KCNAB1: variants seen among roughly 807,000 people sequenced by gnomAD.
The protein encoded by KCNAB1 is voltage-gated potassium channel subunit beta-1.
A neutral mutation model predicts 64.6 loss-of-function variants in KCNAB1; 35 were observed. The ratio of observed to expected loss-of-function variants is 0.54; its 90% CI spans 0.41 to 0.72. The LOEUF is 0.72. KCNAB1 is among the 30% of genes least tolerant of loss of function. KCNAB1 has a pLI of 0.00. For missense variants in KCNAB1, 401 were observed against 512.9 expected, an observed-to-expected ratio of 0.78 and a Z score of 2.11; for synonymous variants, 177 against 183.8, an observed-to-expected ratio of 0.96 and a Z score of 0.30.
chr3:156,145,781 C>T (rs919548391), intron 1 of KCNAB1, among the ~76,000 whole-genome samples: 3 of 152,140 alleles, frequency 2.0e-5, no homozygotes, highest in African/African-American at 7.2e-5. Context: ...ACAGTAGGTG[C>T]TCACTGGGAA....
At chr3:156,426,225 T>A (rs1475528965) in intron 2 of KCNAB1, among the ~76,000 whole-genome samples, 4 of 152,132 alleles carry the variant, frequency 2.6e-5, no homozygotes, top group African/African-American at 9.7e-5. Flanking sequence ...AAAGGCTCCA[T>A]CTCTCTCCAC....
At chr3:156,189,715 TAA>T (rs1267096141) in intron 1 of KCNAB1, among the ~76,000 whole-genome samples, 1 of 152,170 alleles carries the variant, frequency 6.6e-6, no homozygotes, top group Non-Finnish European at 1.5e-5. Flanking sequence ...AATCGTCAGT[TAA>T]AATTTCACAA....
At chr3:156,182,743 G>T (rs1322461224) in intron 1 of KCNAB1, among the ~76,000 whole-genome samples, 5 of 149,562 alleles carry the variant, frequency 3.3e-5, no homozygotes, top group African/African-American at 1.2e-4. Flanking sequence ...TGTTGCCCGG[G>T]GTTGGAGTGC....
chr3:156,458,049 C>G (rs184730031), intron 4 of KCNAB1, among the ~76,000 whole-genome samples: 1 of 152,178 alleles, frequency 6.6e-6, no homozygotes, highest in Non-Finnish European at 1.5e-5. Context: ...AAAGATTAGA[C>G]GTCAAAGTCA....
intron 1 of KCNAB1, among the ~76,000 whole-genome samples, chr3:156,129,535 A>C (rs2108263412): frequency 1.3e-5 from 2 of 152,354 alleles, no homozygotes; most frequent in Middle Eastern, 6.8e-3. Context: ...AGGCTGACTT[A>C]GGTCTAAATT....
chr3:156,288,647 ATG>A (rs1166096832), intron 1 of KCNAB1, among the ~76,000 whole-genome samples: 2 of 152,170 alleles, frequency 1.3e-5, no homozygotes, highest in African/African-American at 4.8e-5. Context: ...CAGAATGCCC[ATG>A]TGGTATCAGA....
At chr3:156,329,663 G>A (rs980611743) in intron 1 of KCNAB1, among the ~76,000 whole-genome samples, 2 of 152,056 alleles carry the variant, frequency 1.3e-5, no homozygotes, top group South Asian at 4.2e-4. Context: ...TGAGAATTTG[G>A]CTAAGGAAGA....
chr3:156,396,351 A>G (rs1002527927), intron 1 of KCNAB1, among the ~76,000 whole-genome samples: 3 of 152,248 alleles, frequency 2.0e-5, no homozygotes, highest in Non-Finnish European at 4.4e-5. Flanking sequence ...TTAATTTAAA[A>G]ACTATAAAGT....
intron 7 of KCNAB1, among the ~76,000 whole-genome samples, chr3:156,473,961 A>AT (rs1418201119): frequency 1.3e-5 from 2 of 152,118 alleles, no homozygotes; most frequent in Non-Finnish European, 1.5e-5. Context: ...ACTAAAATTA[A>AT]TTTTTTTCTG....
intron 8 of KCNAB1, among the ~76,000 whole-genome samples, chr3:156,510,423 T>C (rs1293970872): frequency 6.6e-6 from 1 of 152,068 alleles, no homozygotes; most frequent in African/African-American, 2.4e-5. Context: ...CCCTCTCCCT[T>C]TATCAAGTCT....
intron 1 of KCNAB1, among the ~76,000 whole-genome samples, chr3:156,211,802 G>T (rs1012453653): frequency 1.3e-5 from 2 of 152,206 alleles, no homozygotes; most frequent in African/African-American, 4.8e-5. Flanking sequence ...GACAGTCCAG[G>T]TGGTGTCTGA....
intron 1 of KCNAB1, among the ~76,000 whole-genome samples, chr3:156,343,159 C>T (rs2108070295): frequency 6.6e-6 from 1 of 152,348 alleles, no homozygotes; most frequent in East Asian, 1.9e-4. Context: ...TCTCTAGTTG[C>T]TTCAGCTTTG....
intron 8 of KCNAB1, among the ~76,000 whole-genome samples, chr3:156,512,102 G>A (rs1717252969): frequency 6.6e-6 from 1 of 152,070 alleles, no homozygotes; most frequent in Non-Finnish European, 1.5e-5. Flanking sequence ...CCAGTCCCCT[G>A]TGTTATTTTC....
At chr3:156,399,689 T>C (rs933253845) in intron 1 of KCNAB1, among the ~76,000 whole-genome samples, 2 of 152,204 alleles carry the variant, frequency 1.3e-5, no homozygotes, top group Admixed American at 6.5e-5. Flanking sequence ...CACACCCTTC[T>C]AATGCTGCTG....
At position 156,120,853 on chromosome 3, in the gene KCNAB1, A is replaced by T; in HGVS notation, c.242A>T (p.His81Leu). Residue 81 changes from histidine to leucine, a missense_variant, in exon 1 of 14, where the codon CAC becomes CTC. Transcript: ENST00000490337. ...AAGCTCTGCGACCTGTCCAGCGAGCACACCACCGTCTGCACCACAGGCATG... is the reference window on the plus strand; with the variant it reads ...AAGCTCTGCGACCTGTCCAGCGAGCTCACCACCGTCTGCACCACAGGCATG... ...YLKLCDLSSEHTTVCTTGMPH... is the reference protein window; with the variant it reads ...YLKLCDLSSELTTVCTTGMPH... 1.2e-6 allele frequency: 2 copies of T among 1,614,164 alleles called. No individual in the cohort carries two copies. The highest frequency in any genetic ancestry group is 1.7e-5 in the Admixed American group (1 of 60,030).
intron 1 of KCNAB1, chr3:156,143,569 G>GTTGGTTTTTTTTTT (rs1443482013): frequency 7.1e-6 from 2 of 281,598 alleles, no homozygotes; most frequent in African/African-American, 5.9e-5. Context: ...TTGCATTCTT[G>GTTGGTTTTTTTTTT]TTTTTTTTTT....
chr3:156,312,729 A>AAAAAAAAAAAAAAC (rs1560189800), intron 1 of KCNAB1, among the ~76,000 whole-genome samples: 14 of 150,206 alleles, frequency 9.3e-5, no homozygotes, highest in Admixed American at 2.0e-4. Context: ...AAAAAAAAAA[A>AAAAAAAAAAAAAAC]AACTCATAAT....
At chr3:156,341,727 A>G (rs1724129416) in intron 1 of KCNAB1, among the ~76,000 whole-genome samples, 1 of 152,196 alleles carries the variant, frequency 6.6e-6, no homozygotes, top group African/African-American at 2.4e-5. Context: ...ATATAGAAAG[A>G]AATATATTTT....
At chr3:156,520,310 G>A (rs1363074051) in intron 11 of KCNAB1, among the ~76,000 whole-genome samples, 1 of 152,202 alleles carries the variant, frequency 6.6e-6, no homozygotes, top group African/African-American at 2.4e-5. Flanking sequence ...GCCAGGTGTG[G>A]TGGCTCATAT....
Sources: allele counts gnomAD v4.1 joint callset (sites outside exome capture counted in the v4.1 genomes callset), GRCh38; gene constraint gnomAD v4.1.1; transcripts MANE v1.5; gene names NCBI Gene and HGNC (gene_info 2026-07-23, HGNC 2026-07-21).